The following MYH10 variants were observed in gnomAD, a reference collection of about 807,000 sequenced individuals.
MYH10 encodes myosin heavy chain 10.
Under a neutral mutation model 257.8 loss-of-function variants are expected in MYH10, and 55 were observed. The observed-to-expected ratio is 0.21, with a 90% CI of 0.17 to 0.27. MYH10 has a LOEUF of 0.27. Among genes scored for constraint, MYH10 ranks in the 10% least tolerant of loss-of-function variants. The pLI is 1.00. For synonymous variants in MYH10, 854 were observed against 921.7 expected, an observed-to-expected ratio of 0.93 and a Z score of 1.33; for missense variants, 1,631 against 2,500.6, an observed-to-expected ratio of 0.65 and a Z score of 7.42.
chr17:8,593,855 A>C (rs927424757), intron 3 of MYH10, among the ~76,000 whole-genome samples: 1 of 152,198 alleles, frequency 6.6e-6, no homozygotes, highest in Non-Finnish European at 1.5e-5. Flanking sequence ...ACCTATGGAA[A>C]GACAAAGGAA....
rs546738132 is a variant in MYH10 at position 8,477,306 on chromosome 17, T to G, written c.5707-258A>C. ...AAGACTCTGTTTTTACCAGTGAGTT[T>G]TCTGCAGAAAAATGACAGCGTTTAC... On this transcript the variant is annotated intron_variant, in intron 41 of 42. Transcript: ENST00000360416. This position sits in a 1 kb window ranked among gnomAD's most constrained non-coding sequence, Gnocchi z 4.2. 6.6e-6 allele frequency among the ~76,000 whole-genome samples: 1 copy of G among 152,252 alleles called. No homozygotes were observed. Among genetic ancestry groups the G allele is most frequent in the South Asian group, 2.1e-4 (1 of 4,828 alleles).
At chr17:8,590,911 T>G (rs1487849852) in intron 3 of MYH10, among the ~76,000 whole-genome samples, 1 of 145,510 alleles carries the variant, frequency 6.9e-6, no homozygotes, top group South Asian at 2.3e-4. Context: ...CTTGCTCTAT[T>G]GCCCAGGCTG....
At chr17:8,572,771 G>A (rs1167683708) in intron 6 of MYH10, among the ~76,000 whole-genome samples, 1 of 152,066 alleles carries the variant, frequency 6.6e-6, no homozygotes, top group Non-Finnish European at 1.5e-5. Flanking sequence ...TCCTACTAAT[G>A]GATTTGTGGA....
In MYH10 at chr17:8,490,674, C is replaced by T. The variant is rs1446683212; in HGVS notation, c.4672-122G>A. On this transcript the variant is annotated intron_variant, in intron 34 of 42. Coordinates refer to ENST00000360416, the MANE Select transcript of MYH10 (RefSeq NM_001256012.3). This position sits in a 1 kb window ranked among gnomAD's most constrained non-coding sequence, Gnocchi z 4.1. The stretch of plus-strand genomic sequence containing the variant: ...GGCCACTTTGGTCCCCCTGGGCCGG[C>T]CCCCTGCCACATGCATACACATCCT... 1.3e-5 allele frequency: 11 copies of T among 835,116 alleles called. No individual in the cohort carries two copies. The highest frequency in any genetic ancestry group is 3.4e-4 in the Middle Eastern group (1 of 2,946). 51.7% of individuals were successfully genotyped at this position (835,116 alleles called of 1,614,324 possible).
chr17:8,571,804 G>A (rs2083353141), intron 6 of MYH10, among the ~76,000 whole-genome samples: 1 of 152,090 alleles, frequency 6.6e-6, no homozygotes, highest in Non-Finnish European at 1.5e-5. Context: ...ATTATTCGGT[G>A]ATAGACTGCC....
chr17:8,502,480 T>TTTGTGTGTG (rs112732919), intron 28 of MYH10, among the ~76,000 whole-genome samples: 2 of 150,142 alleles, frequency 1.3e-5, no homozygotes, highest in Non-Finnish European at 1.5e-5. Flanking sequence ...GGGAAAATAG[T>TTTGTGTGTG]TGTGTGTGTG....
At chr17:8,628,029 T>C (rs1207837986) in intron 1 of MYH10, among the ~76,000 whole-genome samples, 2 of 152,200 alleles carry the variant, frequency 1.3e-5, no homozygotes, top group Non-Finnish European at 2.9e-5. Context: ...GGGTGTGTAG[T>C]GTACAATGCT....
chr17:8,548,271 A>C (rs760673384), intron 11 of MYH10, 42 bp downstream of exon 11: 1 of 1,489,606 alleles, frequency 6.7e-7, no homozygotes, highest in Non-Finnish European at 9.3e-7. Flanking sequence ...AGAGCACAAC[A>C]AGCCATCGAA....
intron 33 of MYH10, 131 bp downstream of exon 33, chr17:8,492,645 T>TTTTTTTTTTTCTTTTTTTTTTTTTTC: frequency 8.1e-7 from 1 of 1,229,948 alleles, no homozygotes; most frequent in South Asian, 1.6e-5. Context: ...TTTTTTTTTT[T>TTTTTTTTTTTCTTTTTTTTTTTTTTC]TTTGCTTTCC....
At chr17:8,561,945 C>T (rs1270274383) in intron 7 of MYH10, among the ~76,000 whole-genome samples, 3 of 152,192 alleles carry the variant, frequency 2.0e-5, no homozygotes, top group East Asian at 3.9e-4. Context: ...CTGCAGGGGC[C>T]TGTGGTGTGG....
chr17:8,493,917 A>G (rs1359165104), intron 31 of MYH10, 32 bp from the exon 32 acceptor site: 2 of 1,580,536 alleles, frequency 1.3e-6, no homozygotes, highest in Non-Finnish European at 8.6e-7. Flanking sequence ...CAACACTTCC[A>G]TTACATTTAT....
intron 7 of MYH10, among the ~76,000 whole-genome samples, chr17:8,562,320 A>G (rs981250741): frequency 2.6e-5 from 4 of 152,274 alleles, no homozygotes; most frequent in African/African-American, 9.6e-5. Context: ...CCACTTGGCC[A>G]GATAAGCAAA....
In MYH10 at chr17:8,475,808, TCTGA is replaced by T; in HGVS notation, c.6016_6019del (p.Glu2007LysfsTer35). On this transcript the variant is annotated frameshift_variant, in exon 43 of 43. Transcript: ENST00000360416. LOFTEE classifies it high-confidence loss of function. ...CTCCTCTGGCTTCCTGCAACTTTACTCTGACTGGGGTGGCTGCGTCTCGTTGACA... is the reference window on the plus strand; with the variant it reads ...CTCCTCTGGCTTCCTGCAACTTTACTCTGGGGTGGCTGCGTCTCGTTGACA... 1 of 1,614,050 alleles carries T rather than the reference TCTGA, an allele frequency of 6.2e-7. No individual in the cohort carries two copies. Among genetic ancestry groups the T allele is most frequent in the Non-Finnish European group, 8.5e-7 (1 of 1,179,932 alleles).
chr17:8,613,265 C>T (rs1263167521), intron 2 of MYH10, among the ~76,000 whole-genome samples: 5 of 151,862 alleles, frequency 3.3e-5, no homozygotes, highest in African/African-American at 7.3e-5. Flanking sequence ...AAATAAAGGA[C>T]GAGTAGATAC....
chr17:8,617,452 T>A (rs1255174083), intron 2 of MYH10, among the ~76,000 whole-genome samples: 1 of 152,222 alleles, frequency 6.6e-6, no homozygotes, highest in Non-Finnish European at 1.5e-5. Context: ...TTTTAAACCC[T>A]ACCCACATTA....
At chr17:8,481,846 T>C (rs889819172) in intron 37 of MYH10, among the ~76,000 whole-genome samples, 2 of 152,326 alleles carry the variant, frequency 1.3e-5, no homozygotes, top group Middle Eastern at 3.4e-3. Context: ...CACAGACCAG[T>C]GCGGATCCAG....
chr17:8,547,170 C>G (rs556108048), intron 11 of MYH10, among the ~76,000 whole-genome samples: 1 of 152,318 alleles, frequency 6.6e-6, no homozygotes, highest in South Asian at 2.1e-4. Context: ...CTGCTTCAGC[C>G]TCCCGAGTAG....
intron 4 of MYH10, among the ~76,000 whole-genome samples, chr17:8,580,809 T>C (rs1434586138): frequency 6.6e-6 from 1 of 152,178 alleles, no homozygotes; most frequent in Non-Finnish European, 1.5e-5. Context: ...ATAGAGTCCA[T>C]GTCCTTGTGG....
intron 36 of MYH10, among the ~76,000 whole-genome samples, chr17:8,487,188 C>T (rs11078755): frequency 0.94 from 142,775 of 152,294 alleles, 67,651 homozygotes; most frequent in East Asian, 1. Context: ...TTTTAAGCAT[C>T]GCCACAGGCT....
Sources: allele counts gnomAD v4.1 joint callset (sites outside exome capture counted in the v4.1 genomes callset), GRCh38; gene constraint gnomAD v4.1.1; non-coding constraint Gnocchi (gnomAD v3.1); transcripts MANE v1.5; gene names NCBI Gene and HGNC (gene_info 2026-07-23, HGNC 2026-07-21).